Variants in ARHGAP25 observed in about 807,000 individuals in gnomAD.
ARHGAP25 encodes the protein rho GTPase-activating protein 25.
A neutral mutation model predicts 71.0 loss-of-function variants in ARHGAP25; 34 were observed. The ratio of observed to expected loss-of-function variants is 0.48; its 90% confidence interval spans 0.36 to 0.64. The LOEUF (loss-of-function observed/expected upper bound fraction) is 0.64, where lower values mean the gene tolerates loss of function less well. Ranked by LOEUF, ARHGAP25 falls within the 30% of genes least tolerant of loss-of-function variation. ARHGAP25 has a pLI of 0.00. For synonymous variants in ARHGAP25, 282 were observed against 296.5 expected (o/e 0.95, Z 0.50); for missense variants, 706 against 805.1 (o/e 0.88, Z 1.49).
intron 4 of ARHGAP25, among the ~76,000 whole-genome samples, chr2:68,796,366 G>T (rs958514856): frequency 6.6e-6 from 1 of 152,146 alleles, no homozygotes; most frequent in African/African-American, 2.4e-5. Context: ...TATTGCTAGA[G>T]AATTATTGTT....
At chr2:68,724,344 A>G (rs1674833315) in intron 2 of ARHGAP25, among the ~76,000 whole-genome samples, 1 of 152,152 alleles carries the variant, frequency 6.6e-6, no homozygotes, top group African/African-American at 2.4e-5. Context: ...AGCTTAGACT[A>G]CCTGACACCT....
chr2:68,771,315 C>T (rs193247807), intron 1 of ARHGAP25, among the ~76,000 whole-genome samples: 3 of 152,326 alleles, frequency 2.0e-5, no homozygotes, highest in East Asian at 1.9e-4. Flanking sequence ...TCCAACCCTC[C>T]GCCTGGTTCA....
chr2:68,824,234 A>G (rs569106712), intron 10 of ARHGAP25, among the ~76,000 whole-genome samples: 1 of 149,996 alleles, frequency 6.7e-6, no homozygotes, highest in African/African-American at 2.5e-5. Context: ...TATCTTCAAC[A>G]GGGTAGAAAA....
At chr2:68,774,346 A>C (rs895321624) in intron 1 of ARHGAP25, among the ~76,000 whole-genome samples, 2 of 152,088 alleles carry the variant, frequency 1.3e-5, no homozygotes, top group Non-Finnish European at 2.9e-5. Flanking sequence ...TACCATGGAG[A>C]CAAGATGTGG....
chr2:68,776,471 A>C lies in ARHGAP25; in HGVS notation c.261+1051A>C, dbSNP rs923326855. On this transcript the variant is annotated intron_variant, in intron 2 of 10. Transcript: ENST00000409202. ...TTATGATGTTTAGGGGCTCAGTAGG[A>C]GTTGTGGGCTGGAGGAAAATGGTCA... 4.6e-5 allele frequency among the ~76,000 whole-genome samples: 7 copies of C among 152,158 alleles called. No individual in the cohort carries two copies. The South Asian group carries it at 8.3e-4, about 18-fold the overall frequency.
chr2:68,757,447 G>T (rs1170664735), intron 1 of ARHGAP25, among the ~76,000 whole-genome samples: 1 of 152,126 alleles, frequency 6.6e-6, no homozygotes, highest in African/African-American at 2.4e-5. Context: ...TTTTCAATAA[G>T]ATTATGGGCA....
chr2:68,795,918 T>A (rs1679506284), intron 4 of ARHGAP25, among the ~76,000 whole-genome samples: 1 of 152,190 alleles, frequency 6.6e-6, no homozygotes, highest in Non-Finnish European at 1.5e-5. Flanking sequence ...GTCAGTAATA[T>A]TTGTTTCATG....
At chr2:68,753,344 C>A (rs148363022) in intron 1 of ARHGAP25, among the ~76,000 whole-genome samples, 56 of 152,328 alleles carry the variant, frequency 3.7e-4, no homozygotes, top group African/African-American at 1.3e-3. Flanking sequence ...CAAGAGAACT[C>A]CTGTGCAGGG....
At chr2:68,819,519 G>A in intron 9 of ARHGAP25, 200 bp downstream of exon 9, 2 of 707,906 alleles carry the variant, frequency 2.8e-6, no homozygotes, top group Non-Finnish European at 5.1e-6. Flanking sequence ...CATCTTTGAG[G>A]GGGGTGAGTG....
Position 68,775,255 on chromosome 2 carries a change from G to A in ARHGAP25, c.96G>A (p.Met32Ile), listed in dbSNP as rs779749368. 3 of 1,614,246 alleles carry A rather than the reference G, an allele frequency of 1.9e-6. No individual in the cohort carries two copies. The highest frequency in any genetic ancestry group is 1.3e-5 in the African/African-American group (1 of 75,058). ...RSRSVMTGEQ[M>I]AAFHPSSTPN... ...GGAGTGTGATGACTGGCGAGCAGAT[G>A]GCTGCCTTCCATCCATCGTCCACCC... Residue 32 changes from methionine (M) to isoleucine (I), a missense_variant, in exon 2 of 11, where the codon ATG (methionine) becomes ATA (isoleucine). Met to Ile is a conservative substitution (Grantham distance 10). Coordinates refer to ENST00000409202, the MANE Select transcript of ARHGAP25 (RefSeq NM_001007231.3).
chr2:68,722,098 G>C (rs1184105642), intron 2 of ARHGAP25, among the ~76,000 whole-genome samples: 1 of 152,172 alleles, frequency 6.6e-6, no homozygotes, highest in Non-Finnish European at 1.5e-5. Flanking sequence ...TCACTCTTTT[G>C]AGTGACCCTC....
chr2:68,753,090 T>TA (rs1267875321), intron 1 of ARHGAP25, among the ~76,000 whole-genome samples: 2 of 151,870 alleles, frequency 1.3e-5, no homozygotes, highest in African/African-American at 4.8e-5. Flanking sequence ...GGGGGGGTGA[T>TA]AAAACCACCC....
At chr2:68,791,436 C>A (rs1342891149) in intron 4 of ARHGAP25, among the ~76,000 whole-genome samples, 1 of 152,048 alleles carries the variant, frequency 6.6e-6, no homozygotes, top group African/African-American at 2.4e-5. Context: ...AGATGATGAT[C>A]AGCTTATCTG....
intron 6 of ARHGAP25, among the ~76,000 whole-genome samples, chr2:68,815,531 A>G (rs1484600006): frequency 7.2e-6 from 1 of 138,848 alleles, no homozygotes; most frequent in Non-Finnish European, 1.5e-5. Context: ...GCTCACTGCA[A>G]TCTCCGCCTT....
intron 4 of ARHGAP25, among the ~76,000 whole-genome samples, chr2:68,802,685 G>A (rs1475336404): frequency 2.2e-5 from 3 of 139,282 alleles, no homozygotes; most frequent in Non-Finnish European, 3.1e-5. Flanking sequence ...ATTAGACATT[G>A]AACTTATGGG....
rs370176484 is a variant in ARHGAP25 at position 68,819,368 on chromosome 2, C to G, written c.1200+49C>G. On this transcript the variant is annotated intron_variant, in intron 9 of 10. Transcript: ENST00000409202. ...CTTCCATTGGGTTCTTCCTTTAGTC[C>G]AGGCCATCCCATGTAAGGCCTGCTC... The G allele has an allele frequency of 1.8e-5, 29 of 1,596,368 alleles. No homozygotes were observed. The African/African-American group carries it at 3.5e-4, about 19-fold the overall frequency.
intron 1 of ARHGAP25, among the ~76,000 whole-genome samples, chr2:68,772,033 C>G (rs978044663): frequency 2.6e-5 from 4 of 152,090 alleles, no homozygotes; most frequent in Non-Finnish European, 4.4e-5. Flanking sequence ...CACACGTGCT[C>G]CTAGGAGGGT....
chr2:68,823,296 G>A, intron 10 of ARHGAP25, among the ~76,000 whole-genome samples: 1 of 132,148 alleles, frequency 7.6e-6, no homozygotes, highest in East Asian at 2.5e-4. Flanking sequence ...TGCACTTACA[G>A]AACTTCTAGT....
rs769592796 is a variant in ARHGAP25 at position 68,735,242 on chromosome 2, G to A, written c.43G>A (p.Val15Met). The A allele has an allele frequency of 2.5e-6, 4 of 1,614,200 alleles. No individual in the cohort carries two copies. The highest frequency in any genetic ancestry group is 3.4e-6 in the Non-Finnish European group (4 of 1,180,012). Residue 15 changes from valine to methionine, a missense_variant, in exon 1 of 11, where the codon GTG becomes ATG. Val to Met is a conservative substitution (Grantham distance 21, BLOSUM62 1). Coordinates refer to ENST00000409202, the MANE Select transcript of ARHGAP25 (RefSeq NM_001007231.3). ...LPRNWDFNLKVEAAKIARSRS... is the reference protein window; with the variant it reads ...LPRNWDFNLKMEAAKIARSRS... ...AAGGAACTGGGATTTCAACCTGAAA[G>A]TGGAGGCTGCGAAAATAGGTATGGT...
Sources: gnomAD v4.1 joint callset for allele counts (sites outside exome capture counted in the v4.1 genomes callset) on GRCh38, gnomAD v4.1.1 for gene constraint, MANE v1.5 for transcripts, NCBI Gene and HGNC (gene_info 2026-07-23, HGNC 2026-07-21) for gene names.